Variants in ERBB4 observed in about 807,000 individuals in gnomAD.
ERBB4 encodes the protein erb-b2 receptor tyrosine kinase 4.
Under a neutral mutation model 158.0 loss-of-function variants are expected in ERBB4, and 42 were observed. That is an observed-to-expected ratio of 0.27 (90% CI 0.21 to 0.34). ERBB4 has a LOEUF of 0.34. ERBB4 is among the 10% of genes least tolerant of loss of function. ERBB4 has a pLI of 1.00. For synonymous variants in ERBB4, 583 were observed against 558.7 expected (o/e 1.04, Z -0.61); for missense variants, 1,333 against 1,624.1 (o/e 0.82, Z 3.08).
chr2:211,944,230 A>T (rs2080614684), intron 3 of ERBB4, among the ~76,000 whole-genome samples: 1 of 80,332 alleles, frequency 1.2e-5, no homozygotes, highest in African/African-American at 3.9e-5. Flanking sequence ...ACACACAAAA[A>T]AAAAGAACAC....
intron 20 of ERBB4, among the ~76,000 whole-genome samples, chr2:211,482,030 T>A (rs992091265): frequency 6.6e-6 from 1 of 152,088 alleles, no homozygotes; most frequent in Non-Finnish European, 1.5e-5. Flanking sequence ...GGAATCCAAG[T>A]AGAGACAGGC....
Position 211,383,487 on chromosome 2 carries a change from T to C in ERBB4, c.*128A>G. On this transcript the variant is annotated 3_prime_UTR_variant, in exon 28 of 28. Coordinates refer to ENST00000342788, the MANE Select transcript of ERBB4 (RefSeq NM_005235.3). ...GTAAGCACATAACTATCATTGCATC[T>C]CTGTATCTTCCACTGGGAAGTGTCA... is the stretch of plus-strand genomic sequence containing the variant. 1.3e-6 allele frequency: 1 copy of C among 741,762 alleles called. No individual in the cohort carries two copies. Among genetic ancestry groups the C allele is most frequent in the Non-Finnish European group, 2.4e-6 (1 of 420,376 alleles). 45.9% of individuals were successfully genotyped at this position (741,762 alleles called of 1,614,324 possible). A position where few individuals can be genotyped will look rare whatever the true frequency, so the allele number is the denominator to read the frequency against.
rs151126436 is a variant in ERBB4 at position 212,065,375 on chromosome 2, CA to C, written c.234+59376del. Among the ~76,000 whole-genome samples the C allele has an allele frequency of 5.7e-3, 862 of 152,022 alleles. 1 individual carries two copies. Among genetic ancestry groups the C allele is most frequent in the Middle Eastern group, 0.014 (4 of 294 alleles). ...CATGCAAAATTGCCTACAAAAAGAGCAAATTCAGTGGCTCAACTCAATAGAA... is the reference window on the plus strand; with the variant it reads ...CATGCAAAATTGCCTACAAAAAGAGCAATTCAGTGGCTCAACTCAATAGAA... On this transcript the variant is annotated intron_variant, in intron 2 of 27. Transcript: ENST00000342788.
At chr2:211,842,255 GT>G (rs66970586) in intron 3 of ERBB4, among the ~76,000 whole-genome samples, 7 of 150,464 alleles carry the variant, frequency 4.7e-5, no homozygotes, top group East Asian at 2.0e-4. Context: ...AGGCTGTTGG[GT>G]TTTTTTTTGG....
chr2:212,054,370 G>A (rs1357132986), intron 2 of ERBB4, among the ~76,000 whole-genome samples: 1 of 152,084 alleles, frequency 6.6e-6, no homozygotes, highest in East Asian at 1.9e-4. Flanking sequence ...AAAAGAAGAG[G>A]TCTGGGACCA....
chr2:212,460,986 C>G (rs1227658992), intron 1 of ERBB4, among the ~76,000 whole-genome samples: 2 of 152,258 alleles, frequency 1.3e-5, no homozygotes, highest in Middle Eastern at 3.4e-3. Flanking sequence ...TGCATTTCAG[C>G]TGCTACAATC....
chr2:212,135,798 A>G (rs1023544556), intron 1 of ERBB4, among the ~76,000 whole-genome samples: 1 of 152,106 alleles, frequency 6.6e-6, no homozygotes, highest in Non-Finnish European at 1.5e-5. Flanking sequence ...CTTAACTTTA[A>G]TGTAGGCACT....
chr2:212,378,368 T>C (rs1574808052), intron 1 of ERBB4, among the ~76,000 whole-genome samples: 1 of 152,020 alleles, frequency 6.6e-6, no homozygotes, highest in East Asian at 1.9e-4. Flanking sequence ...GCATTGAGCA[T>C]TAAAATAACT....
chr2:212,390,697 A>G (rs1276876820), intron 1 of ERBB4, among the ~76,000 whole-genome samples: 1 of 151,702 alleles, frequency 6.6e-6, no homozygotes, highest in Admixed American at 6.6e-5. Flanking sequence ...TTTCTCCAGG[A>G]CACTCCTCAA....
chr2:211,795,697 G>C (rs1163369418), intron 3 of ERBB4, among the ~76,000 whole-genome samples: 5 of 151,628 alleles, frequency 3.3e-5, no homozygotes, highest in African/African-American at 9.7e-5. Context: ...AAGGACAAAA[G>C]AACAGAGGAA....
intron 3 of ERBB4, among the ~76,000 whole-genome samples, chr2:211,791,615 A>G (rs887070027): frequency 9.2e-5 from 14 of 151,892 alleles, no homozygotes; most frequent in Non-Finnish European, 2.9e-5. Context: ...AGAGAGACAC[A>G]GATAGATTCT....
intron 8 of ERBB4, among the ~76,000 whole-genome samples, chr2:211,712,676 A>T (rs2073744462): frequency 6.6e-6 from 1 of 152,168 alleles, no homozygotes; most frequent in Admixed American, 6.6e-5. Context: ...GATGTGAATT[A>T]TAACCAAAAT....
At chr2:211,693,419 T>C (rs977939392) in intron 12 of ERBB4, among the ~76,000 whole-genome samples, 7 of 152,172 alleles carry the variant, frequency 4.6e-5, no homozygotes, top group Middle Eastern at 3.2e-3. Context: ...AGAATGCTTT[T>C]TAGAGTTAGC....
intron 1 of ERBB4, among the ~76,000 whole-genome samples, chr2:212,130,881 G>A (rs2080088756): frequency 1.3e-5 from 2 of 152,092 alleles, no homozygotes; most frequent in Admixed American, 1.3e-4. Context: ...ATAATTCAAA[G>A]GCTGGCTACA....
intron 2 of ERBB4, among the ~76,000 whole-genome samples, chr2:211,991,117 T>G (rs978908756): frequency 6.6e-6 from 1 of 152,090 alleles, no homozygotes; most frequent in Admixed American, 6.6e-5. Context: ...AGGGCTTTTG[T>G]TGTGGATTTC....
chr2:211,823,003 T>G (rs2077026883), intron 3 of ERBB4, among the ~76,000 whole-genome samples: 1 of 151,998 alleles, frequency 6.6e-6, no homozygotes, highest in African/African-American at 2.4e-5. Context: ...CTTCCAATGC[T>G]GTTACAACTG....
At chr2:211,668,461 T>C (rs1417492188) in intron 14 of ERBB4, among the ~76,000 whole-genome samples, 2 of 152,208 alleles carry the variant, frequency 1.3e-5, no homozygotes, top group East Asian at 1.9e-4. Flanking sequence ...AATAAATGAA[T>C]TGATCAGTGC....
intron 14 of ERBB4, among the ~76,000 whole-genome samples, chr2:211,669,298 CTTAT>C (rs1228962172): frequency 1.4e-5 from 2 of 144,796 alleles, no homozygotes; most frequent in Non-Finnish European, 3.0e-5. Flanking sequence ...AGAACTTAAA[CTTAT>C]TTATGTAAGC....
chr2:211,640,829 C>A (rs549474356), intron 16 of ERBB4, among the ~76,000 whole-genome samples: 5 of 152,006 alleles, frequency 3.3e-5, no homozygotes, highest in Admixed American at 3.3e-4. Flanking sequence ...TTAACAGCAG[C>A]AAAACTGATA....
Sources: gnomAD v4.1 joint callset for allele counts (sites outside exome capture counted in the v4.1 genomes callset) on GRCh38, gnomAD v4.1.1 for gene constraint, MANE v1.5 for transcripts, NCBI Gene and HGNC (gene_info 2026-07-23, HGNC 2026-07-21) for gene names.